The following TENM2 variants were observed in gnomAD, a reference collection of about 807,000 sequenced individuals.
TENM2 encodes teneurin-2.
In TENM2, 52 loss-of-function variants were observed where a neutral mutation model predicts 245.2. The ratio of observed to expected loss-of-function variants is 0.21; its 90% confidence interval spans 0.17 to 0.27. The LOEUF (loss-of-function observed/expected upper bound fraction) is 0.27, where lower values mean the gene tolerates loss of function less well. Ranked by LOEUF, TENM2 falls within the 10% of genes least tolerant of loss-of-function variation. The pLI, the probability that TENM2 is intolerant of heterozygous loss-of-function variation, is 1.00. For synonymous variants in TENM2, 1,363 were observed against 1,438.9 expected (o/e 0.95, Z 1.19); for missense variants, 3,046 against 3,666.8 (o/e 0.83, Z 4.37).
At chr5:167,879,870 A>G (rs914029419) in intron 3 of TENM2, among the ~76,000 whole-genome samples, 6 of 152,118 alleles carry the variant, frequency 3.9e-5, no homozygotes, top group African/African-American at 1.4e-4. Context: ...TTAAAGAGCA[A>G]TGCCTTAGTT....
At chr5:167,755,525 A>G (rs1385731126) in intron 2 of TENM2, among the ~76,000 whole-genome samples, 1 of 152,210 alleles carries the variant, frequency 6.6e-6, no homozygotes, top group East Asian at 1.9e-4. Context: ...ACATCTGTTA[A>G]GTCAAGCATC....
At chr5:168,103,064 C>A (rs1033152236) in intron 9 of TENM2, among the ~76,000 whole-genome samples, 67 of 148,916 alleles carry the variant, frequency 4.5e-4, no homozygotes, top group African/African-American at 1.6e-3. Context: ...CCAGTGTGTG[C>A]TGTTCCCCTT....
intron 2 of TENM2, among the ~76,000 whole-genome samples, chr5:167,572,343 A>G (rs62382791): frequency 0.54 from 82,435 of 152,060 alleles, 25,580 homozygotes; most frequent in Middle Eastern, 0.7. Flanking sequence ...GGGTCCGGGG[A>G]TATGTTGTTG....
intron 2 of TENM2, among the ~76,000 whole-genome samples, chr5:167,686,027 A>G (rs957672094): frequency 6.6e-6 from 1 of 152,198 alleles, no homozygotes; most frequent in African/African-American, 2.4e-5. Context: ...TAATAAAAGT[A>G]TGTTTCTCAT....
chr5:167,724,530 G>A (rs1270774419), intron 2 of TENM2, among the ~76,000 whole-genome samples: 12 of 152,152 alleles, frequency 7.9e-5, no homozygotes. Context: ...GTGGAGGGAA[G>A]GAGGGAAGAC....
At chr5:167,083,850 C>T in the TENM2 span, among the ~76,000 whole-genome samples, 7 of 152,156 alleles carry the variant, frequency 4.6e-5, no homozygotes, top group Non-Finnish European at 5.9e-5. Flanking sequence ...GCTATTTTAA[C>T]AGGACATGGA....
chr5:167,508,394 T>C (rs1769700491), intron 2 of TENM2, among the ~76,000 whole-genome samples: 1 of 152,230 alleles, frequency 6.6e-6, no homozygotes, highest in African/African-American at 2.4e-5. Context: ...GCCACAGTCC[T>C]GTGATTGAAA....
chr5:167,787,647 G>A (rs778261117), intron 2 of TENM2, among the ~76,000 whole-genome samples: 7 of 152,148 alleles, frequency 4.6e-5, no homozygotes, highest in Non-Finnish European at 8.8e-5. Flanking sequence ...AGTCTTATTA[G>A]ATCTTTTTGA....
intron 13 of TENM2, chr5:168,186,641 C>T (rs1396302041): frequency 6.6e-6 from 1 of 152,108 alleles, no homozygotes; most frequent in Non-Finnish European, 1.5e-5. Flanking sequence ...CATCCTCACC[C>T]CCTTCCCCAG....
At position 167,535,042 on chromosome 5, in the gene TENM2, C is replaced by A. The variant is rs188795264; in HGVS notation, c.502+159569C>A. On this transcript the variant is annotated intron_variant, in intron 2 of 28. Transcript: ENST00000518659. ...TAAAAATAGTTGTCTATTTTCTTTT[C>A]AAACCCAGTTGTAAAACTTGTGTGA... Among the ~76,000 whole-genome samples, 297 of 152,232 alleles carry A rather than the reference C, an allele frequency of 2.0e-3. 1 individual carries two copies. Among genetic ancestry groups the A allele is most frequent in the African/African-American group, 6.8e-3 (281 of 41,556 alleles).
chr5:167,371,401 G>C (rs1760427135), intron 1 of TENM2, among the ~76,000 whole-genome samples: 1 of 147,408 alleles, frequency 6.8e-6, no homozygotes, highest in East Asian at 2.0e-4. Context: ...TGTTGCCCAG[G>C]CTCAGGCTGG....
At chr5:167,749,075 T>TA (rs1761779453) in intron 2 of TENM2, among the ~76,000 whole-genome samples, 1 of 152,112 alleles carries the variant, frequency 6.6e-6, no homozygotes, top group East Asian at 1.9e-4. Flanking sequence ...TTCATTTTTT[T>TA]AAAAAATGAA....
At chr5:168,256,310 A>G (rs1767654817) in intron 27 of TENM2, among the ~76,000 whole-genome samples, 1 of 151,990 alleles carries the variant, frequency 6.6e-6, no homozygotes, top group African/African-American at 2.4e-5. Flanking sequence ...CTCTCCACCC[A>G]GGACCTACCT....
At chr5:167,723,402 G>A (rs1297333876) in intron 2 of TENM2, among the ~76,000 whole-genome samples, 1 of 152,086 alleles carries the variant, frequency 6.6e-6, no homozygotes, top group Non-Finnish European at 1.5e-5. Flanking sequence ...TTGCACTTGA[G>A]GCTAGGTCTT....
chr5:167,180,759 A>T, the TENM2 span, among the ~76,000 whole-genome samples: 5 of 152,214 alleles, frequency 3.3e-5, no homozygotes, highest in East Asian at 9.7e-4. Context: ...GGAAGAGAAA[A>T]TACATTTACT....
At chr5:167,383,200 C>G (rs1056037681) in intron 2 of TENM2, among the ~76,000 whole-genome samples, 2 of 151,912 alleles carry the variant, frequency 1.3e-5, no homozygotes, top group Admixed American at 1.3e-4. Flanking sequence ...ATAAATTGAC[C>G]AAATTCCAGG....
chr5:167,499,971 G>GGTGT (rs150798009), intron 2 of TENM2, among the ~76,000 whole-genome samples: 4 of 121,004 alleles, frequency 3.3e-5, no homozygotes, highest in Admixed American at 8.3e-5. Context: ...TGTATGTGAG[G>GGTGT]GTGTGTGTGT....
intron 2 of TENM2, among the ~76,000 whole-genome samples, chr5:167,822,215 G>A (rs536119390): frequency 2.0e-5 from 3 of 151,752 alleles, no homozygotes; most frequent in African/African-American, 7.3e-5. Context: ...CATTGTGAAT[G>A]TTTGAAAGGA....
chr5:167,016,697 C>T, the TENM2 span, among the ~76,000 whole-genome samples: 1 of 152,136 alleles, frequency 6.6e-6, no homozygotes, highest in African/African-American at 2.4e-5. Context: ...AAGCCAGGCA[C>T]AGAAACACAT....
Sources: gnomAD v4.1 joint callset for allele counts (sites outside exome capture counted in the v4.1 genomes callset) on GRCh38, gnomAD v4.1.1 for gene constraint, MANE v1.5 for transcripts, NCBI Gene and HGNC (gene_info 2026-07-23, HGNC 2026-07-21) for gene names.